RELN: variants seen among roughly 807,000 people sequenced by gnomAD.
RELN encodes the protein reelin.
Under a neutral mutation model 427.6 loss-of-function variants are expected in RELN, and 108 were observed. The observed-to-expected ratio is 0.25, with a 90% CI of 0.22 to 0.30. The LOEUF (loss-of-function observed/expected upper bound fraction) is 0.30. RELN is among the 10% of genes least tolerant of loss of function. RELN has a pLI of 1.00. For synonymous variants in RELN, 1,524 were observed against 1,513.4 expected (o/e 1.01, Z -0.16); for missense variants, 3,715 against 4,302.8 (o/e 0.86, Z 3.82).
intron 38 of RELN, among the ~76,000 whole-genome samples, chr7:103,555,425 C>T (rs1344016730): frequency 6.6e-6 from 1 of 152,168 alleles, no homozygotes; most frequent in African/African-American, 2.4e-5. Context: ...CTTTCCTCTT[C>T]TTGTTTAGAA....
intron 2 of RELN, among the ~76,000 whole-genome samples, chr7:103,875,486 A>C (rs1484985921): frequency 6.6e-6 from 1 of 152,164 alleles, no homozygotes; most frequent in African/African-American, 2.4e-5. Context: ...AAACATCTTA[A>C]CAGACTACAT....
intron 53 of RELN, 90 bp from the exon 54 acceptor site, chr7:103,498,342 T>A: frequency 8.6e-7 from 1 of 1,161,866 alleles, no homozygotes; most frequent in African/African-American, 1.5e-5. Flanking sequence ...GTCTTGGACT[T>A]AAAAAAAATA....
intron 1 of RELN, among the ~76,000 whole-genome samples, chr7:103,921,552 C>T (rs1795617769): frequency 6.6e-6 from 1 of 152,086 alleles, no homozygotes; most frequent in African/African-American, 2.4e-5. Context: ...ACTTGCCAGT[C>T]CATTTTAAGG....
At chr7:103,912,371 A>T (rs539501161) in intron 2 of RELN, among the ~76,000 whole-genome samples, 144 of 152,090 alleles carry the variant, frequency 9.5e-4, no homozygotes, top group African/African-American at 3.1e-3. Context: ...TTTTTAGTAG[A>T]GATGGGGTTT....
intron 7 of RELN, among the ~76,000 whole-genome samples, chr7:103,724,208 A>T (rs1584437253): frequency 6.6e-6 from 1 of 150,928 alleles, no homozygotes. Flanking sequence ...TTTGAGACAG[A>T]CTCTCTCTCT....
chr7:103,657,770 G>A (rs950861336), intron 12 of RELN, among the ~76,000 whole-genome samples: 3 of 152,044 alleles, frequency 2.0e-5, no homozygotes, highest in African/African-American at 7.2e-5. Context: ...GCTTCTACAG[G>A]GAGATATGGA....
At chr7:103,820,961 A>AT (rs1792999848) in intron 3 of RELN, among the ~76,000 whole-genome samples, 1 of 152,050 alleles carries the variant, frequency 6.6e-6, no homozygotes, top group African/African-American at 2.4e-5. Flanking sequence ...TTATTCTTTT[A>AT]TTTTTTAGTG....
chr7:103,534,985 G>C (rs528131333), intron 46 of RELN, among the ~76,000 whole-genome samples: 2 of 152,274 alleles, frequency 1.3e-5, no homozygotes, highest in Admixed American at 1.3e-4. Flanking sequence ...TATCCAATGG[G>C]CCTATTTTAA....
At chr7:103,693,278 A>G (rs996438445) in intron 10 of RELN, among the ~76,000 whole-genome samples, 2 of 144,748 alleles carry the variant, frequency 1.4e-5, no homozygotes, top group African/African-American at 2.5e-5. Context: ...CTCACTCATA[A>G]GTGGGAATTG....
chr7:103,762,076 T>C (rs1004698604), intron 4 of RELN, among the ~76,000 whole-genome samples: 3 of 152,166 alleles, frequency 2.0e-5, no homozygotes, highest in African/African-American at 7.2e-5. Flanking sequence ...AGCGCCCCCC[T>C]ATAGCTTCCT....
intron 8 of RELN, among the ~76,000 whole-genome samples, chr7:103,721,862 T>G (rs1336407495): frequency 6.6e-6 from 1 of 152,198 alleles, no homozygotes; most frequent in Non-Finnish European, 1.5e-5. Context: ...ATTAAGAGGC[T>G]CTAAGTTGCC....
At chr7:103,543,738 TTTA>T (rs1830224297) in intron 42 of RELN, among the ~76,000 whole-genome samples, 3 of 112,926 alleles carry the variant, frequency 2.7e-5, no homozygotes, top group South Asian at 4.9e-4. Flanking sequence ...ATTTCGTTTA[TTTA>T]TTTTTTCATT....
At chr7:103,494,394 G>GTGTGTGTGTGT (rs774896895) in intron 57 of RELN, among the ~76,000 whole-genome samples, 1,400 of 134,528 alleles carry the variant, frequency 0.01, 20 homozygotes, top group African/African-American at 0.027. Flanking sequence ...TGTGTGTGTG[G>GTGTGTGTGTGT]GATATGGTCT....
intron 11 of RELN, among the ~76,000 whole-genome samples, chr7:103,662,759 G>A (rs114399266): frequency 3.6e-4 from 55 of 152,202 alleles, no homozygotes; most frequent in African/African-American, 1.2e-3. Flanking sequence ...TCCATGGAGA[G>A]TTTGGAAAGA....
intron 2 of RELN, among the ~76,000 whole-genome samples, chr7:103,847,423 G>C (rs899183090): frequency 3.9e-5 from 6 of 152,124 alleles, no homozygotes; most frequent in Non-Finnish European, 5.9e-5. Flanking sequence ...CCAGAGGGTG[G>C]GGGGCTAGAG....
chr7:103,602,569 A>G (rs1831696539), intron 24 of RELN, among the ~76,000 whole-genome samples: 1 of 152,178 alleles, frequency 6.6e-6, no homozygotes, highest in Non-Finnish European at 1.5e-5. Flanking sequence ...TTCTTAGCAA[A>G]CTAACACAAG....
chr7:103,847,206 T>G (rs190281797), intron 2 of RELN, among the ~76,000 whole-genome samples: 1 of 152,296 alleles, frequency 6.6e-6, no homozygotes, highest in African/African-American at 2.4e-5. Flanking sequence ...AAAGAAAATG[T>G]GGCACATATA....
At chr7:103,778,017 G>A (rs1791789616) in intron 3 of RELN, among the ~76,000 whole-genome samples, 2 of 152,070 alleles carry the variant, frequency 1.3e-5, no homozygotes, top group African/African-American at 4.8e-5. Context: ...AGCTTATAAG[G>A]GGCGTCAGCC....
intron 11 of RELN, among the ~76,000 whole-genome samples, chr7:103,672,914 C>T (rs192799681): frequency 1.3e-5 from 2 of 152,170 alleles, no homozygotes; most frequent in African/African-American, 2.4e-5. Flanking sequence ...TCTTTTAATG[C>T]TGAAACCTGA....
Sources: gnomAD v4.1 joint callset for allele counts (sites outside exome capture counted in the v4.1 genomes callset) on GRCh38, gnomAD v4.1.1 for gene constraint, MANE v1.5 for transcripts, NCBI Gene and HGNC (gene_info 2026-07-23, HGNC 2026-07-21) for gene names.